MACROD2: variants seen among roughly 807,000 people sequenced by gnomAD.
The protein encoded by MACROD2 is mono-ADP ribosylhydrolase 2, also known as ADP-ribose glycohydrolase MACROD2.
Under a neutral mutation model 70.4 loss-of-function variants are expected in MACROD2, and 36 were observed. The observed-to-expected ratio is 0.51, with a 90% confidence interval of 0.39 to 0.68. MACROD2 has a LOEUF of 0.68. MACROD2 is among the 30% of genes least tolerant of loss of function. The pLI, the probability that MACROD2 is intolerant of heterozygous loss-of-function variation, is 0.00. For synonymous variants in MACROD2, 172 were observed against 178.8 expected (o/e 0.96, Z 0.30); for missense variants, 496 against 538.4 (o/e 0.92, Z 0.78).
intron 12 of MACROD2, among the ~76,000 whole-genome samples, chr20:15,961,149 A>C (rs1029902761): frequency 6.6e-6 from 1 of 152,186 alleles, no homozygotes; most frequent in African/African-American, 2.4e-5. Flanking sequence ...ATTCAATGGC[A>C]TGGAGAAAAT....
At chr20:14,874,195 A>AACATTTCATAACATTTCTTTCATAAC (rs2073522324) in intron 5 of MACROD2, among the ~76,000 whole-genome samples, 3 of 152,064 alleles carry the variant, frequency 2.0e-5, no homozygotes, top group African/African-American at 2.4e-5. Flanking sequence ...ACATTTGCAT[A>AACATTTCATAACATTTCTTTCATAAC]ATTTTTAAAA....
In MACROD2 at chr20:15,180,142, C is replaced by T. The variant is rs1227834561; in HGVS notation, c.419-49798C>T. ...CTAATAGCCTCATTTTAACTTAACC[C>T]CCTCTTTGAAGGCCCTATCTCCATA... On this transcript the variant is annotated intron_variant, in intron 5 of 17. Transcript: ENST00000684519. 3.3e-5 allele frequency among the ~76,000 whole-genome samples: 5 copies of T among 152,144 alleles called. No individual in the cohort carries two copies. In the East Asian group the frequency reaches 7.7e-4, roughly 23 times the overall value.
intron 3 of MACROD2, among the ~76,000 whole-genome samples, chr20:14,423,640 C>G (rs1393253228): frequency 7.4e-6 from 1 of 135,192 alleles, no homozygotes; most frequent in Admixed American, 7.9e-5. Context: ...GCGGAGCTTG[C>G]GTTGAGCTGA....
At chr20:14,160,635 A>C (rs1447146761) in intron 3 of MACROD2, among the ~76,000 whole-genome samples, 6 of 151,934 alleles carry the variant, frequency 3.9e-5, no homozygotes, top group Non-Finnish European at 8.8e-5. Flanking sequence ...TATAGCAAGT[A>C]GCTTATCAAT....
chr20:15,725,676 C>G (rs1568994831), intron 8 of MACROD2, among the ~76,000 whole-genome samples: 1 of 152,054 alleles, frequency 6.6e-6, no homozygotes, highest in East Asian at 1.9e-4. Context: ...GGTAAAGCTT[C>G]TAGTTTTTCA....
At chr20:14,287,620 G>A (rs2122431794) in intron 3 of MACROD2, among the ~76,000 whole-genome samples, 1 of 152,194 alleles carries the variant, frequency 6.6e-6, no homozygotes, top group South Asian at 2.1e-4. Context: ...GTTTCTGTGG[G>A]TCAGAAGTCT....
intron 8 of MACROD2, among the ~76,000 whole-genome samples, chr20:15,602,646 T>C (rs2048838076): frequency 6.6e-6 from 1 of 152,178 alleles, no homozygotes; most frequent in Non-Finnish European, 1.5e-5. Flanking sequence ...ATACAAATTG[T>C]TCGTAGTTTT....
chr20:14,940,943 T>C (rs891614575), intron 5 of MACROD2, among the ~76,000 whole-genome samples: 1 of 152,194 alleles, frequency 6.6e-6, no homozygotes, highest in African/African-American at 2.4e-5. Context: ...CTTCTTTAAT[T>C]TTTTTGAAGA....
chr20:15,693,342 A>C (rs1258105984), intron 8 of MACROD2, among the ~76,000 whole-genome samples: 1 of 152,176 alleles, frequency 6.6e-6, no homozygotes, highest in Non-Finnish European at 1.5e-5. Context: ...CTTCACACCA[A>C]GAGATAGTGT....
chr20:14,997,170 G>A (rs1026000274), intron 5 of MACROD2, among the ~76,000 whole-genome samples: 1 of 152,118 alleles, frequency 6.6e-6, no homozygotes, highest in Non-Finnish European at 1.5e-5. Flanking sequence ...GAAAAGGAGT[G>A]GGGAGAATAA....
chr20:14,437,725 G>A (rs1007830491), intron 3 of MACROD2, among the ~76,000 whole-genome samples: 2 of 151,918 alleles, frequency 1.3e-5, no homozygotes, highest in Non-Finnish European at 1.5e-5. Context: ...AATAATAATG[G>A]TACTTATATA....
intron 3 of MACROD2, among the ~76,000 whole-genome samples, chr20:14,349,065 C>G (rs2083093127): frequency 6.6e-6 from 1 of 151,890 alleles, no homozygotes; most frequent in South Asian, 2.1e-4. Flanking sequence ...GAGGCCCTGT[C>G]TCTAAATAAA....
chr20:15,446,729 G>A (rs955493367), intron 7 of MACROD2, among the ~76,000 whole-genome samples: 11 of 152,212 alleles, frequency 7.2e-5, no homozygotes, highest in East Asian at 1.9e-4. Flanking sequence ...ATCTGCTGGC[G>A]CTGCCGTAGG....
intron 7 of MACROD2, among the ~76,000 whole-genome samples, chr20:15,472,429 GA>G (rs1461576176): frequency 6.6e-6 from 1 of 152,056 alleles, no homozygotes; most frequent in African/African-American, 2.4e-5. Flanking sequence ...CTTTTCAAGT[GA>G]ATTCAGTTTG....
intron 3 of MACROD2, among the ~76,000 whole-genome samples, chr20:14,296,512 A>T (rs2082428831): frequency 1.3e-5 from 2 of 152,032 alleles, no homozygotes; most frequent in South Asian, 4.1e-4. Flanking sequence ...TGAATCACAC[A>T]AATGTAATGT....
intron 8 of MACROD2, among the ~76,000 whole-genome samples, chr20:15,729,180 A>G (rs1023914222): frequency 5.3e-5 from 8 of 151,934 alleles, no homozygotes; most frequent in East Asian, 1.9e-4. Flanking sequence ...TTTAATTTCC[A>G]TGTTGTTGTG....
At chr20:16,024,045 G>A (rs1374765554) in intron 15 of MACROD2, among the ~76,000 whole-genome samples, 4 of 152,164 alleles carry the variant, frequency 2.6e-5, no homozygotes, top group Non-Finnish European at 5.9e-5. Context: ...GATGGCCCAG[G>A]CATCAACAAT....
intron 4 of MACROD2, among the ~76,000 whole-genome samples, chr20:14,631,309 C>T (rs1010534290): frequency 6.6e-6 from 1 of 152,168 alleles, no homozygotes; most frequent in Admixed American, 6.5e-5. Context: ...AGGAAAGTAA[C>T]TTTGAAACAA....
chr20:14,263,028 T>C (rs2082113297), intron 3 of MACROD2, among the ~76,000 whole-genome samples: 1 of 152,104 alleles, frequency 6.6e-6, no homozygotes, highest in Non-Finnish European at 1.5e-5. Flanking sequence ...GAGGCACAGA[T>C]TGAAAATAAA....
Sources: gnomAD v4.1 joint callset for allele counts (sites outside exome capture counted in the v4.1 genomes callset) on GRCh38, gnomAD v4.1.1 for gene constraint, MANE v1.5 for transcripts, NCBI Gene and HGNC (gene_info 2026-07-23, HGNC 2026-07-21) for gene names.